Variants in FRMPD4 observed in about 807,000 individuals in gnomAD.
The protein encoded by FRMPD4 is FERM and PDZ domain-containing protein 4.
A neutral mutation model predicts 94.1 loss-of-function variants in FRMPD4; 22 were observed. The ratio of observed to expected loss-of-function variants is 0.23; its 90% CI spans 0.17 to 0.33. The LOEUF is 0.33. Among genes scored for constraint, FRMPD4 ranks in the 10% least tolerant of loss-of-function variants. FRMPD4 has a pLI of 1.00. For synonymous variants in FRMPD4, 631 were observed against 548.6 expected, an observed-to-expected ratio of 1.15 and a Z score of -2.10; for missense variants, 1,111 against 1,339.9, an observed-to-expected ratio of 0.83 and a Z score of 2.67.
chrX:12,391,379 A>G (rs988512682), intron 1 of FRMPD4, among the ~76,000 whole-genome samples: 2 of 112,243 alleles, frequency 1.8e-5, no homozygotes, highest in Non-Finnish European at 3.8e-5. Flanking sequence ...AGCATGATGC[A>G]CTGCACTTTC....
At chrX:12,278,286 TC>T (rs1187368890) in intron 1 of FRMPD4, among the ~76,000 whole-genome samples, 2 of 112,066 alleles carry the variant, frequency 1.8e-5, no homozygotes, top group African/African-American at 6.5e-5. Context: ...ATGATTTTTT[TC>T]CCCCAGACCC....
intron 2 of FRMPD4, among the ~76,000 whole-genome samples, chrX:12,524,508 A>G (rs2058199408): frequency 9.0e-6 from 1 of 111,659 alleles, no homozygotes; most frequent in Non-Finnish European, 1.9e-5. Flanking sequence ...TTAGCTTTTA[A>G]TCACCATTAA....
chrX:12,641,580 T>G (rs2059499947), intron 4 of FRMPD4, among the ~76,000 whole-genome samples: 1 of 112,017 alleles, frequency 8.9e-6, no homozygotes, highest in Non-Finnish European at 1.9e-5. Context: ...CAGACAAGGG[T>G]GTGTAAGAAG....
chrX:12,143,412 A>C (rs760362977), intron 1 of FRMPD4, among the ~76,000 whole-genome samples: 1 of 112,835 alleles, frequency 8.9e-6, no homozygotes, highest in Admixed American at 9.4e-5. Flanking sequence ...ACACATGTCC[A>C]TTCATTTATG....
At chrX:12,182,018 A>G (rs1246142258) in intron 1 of FRMPD4, among the ~76,000 whole-genome samples, 2 of 111,876 alleles carry the variant, frequency 1.8e-5, no homozygotes, top group African/African-American at 3.2e-5. Context: ...TCTGAACCCA[A>G]TTACATGGTG....
chrX:12,716,000 CT>C, intron 14 of FRMPD4, 68 bp from the exon 15 acceptor site: 2 of 334,678 alleles, frequency 6.0e-6, no homozygotes, highest in Non-Finnish European at 1.1e-5. Context: ...AGAGACGAGC[CT>C]CCCACCCCCG....
chrX:12,404,680 T>C (rs1454223174), intron 1 of FRMPD4, among the ~76,000 whole-genome samples: 1 of 112,160 alleles, frequency 8.9e-6, no homozygotes, highest in Non-Finnish European at 1.9e-5. Flanking sequence ...TTGATCCTTC[T>C]GTTGTACTCT....
intron 1 of FRMPD4, among the ~76,000 whole-genome samples, chrX:12,481,887 G>A (rs1410145019): frequency 2.3e-5 from 2 of 86,812 alleles, no homozygotes; most frequent in Non-Finnish European, 4.3e-5. Context: ...AGCTGGCAGT[G>A]AGCCGAGATT....
chrX:12,592,618 TC>T (rs1476719825), intron 2 of FRMPD4, among the ~76,000 whole-genome samples: 1 of 112,270 alleles, frequency 8.9e-6, no homozygotes, highest in Admixed American at 9.4e-5. Context: ...CTTGCTTACT[TC>T]CCCTTATCCT....
At chrX:12,511,061 C>T (rs1369234695) in intron 2 of FRMPD4, among the ~76,000 whole-genome samples, 5 of 112,353 alleles carry the variant, frequency 4.5e-5, no homozygotes, top group African/African-American at 9.7e-5. Flanking sequence ...TAGACACAAA[C>T]GCAGAGAAGA....
chrX:12,262,675 G>A (rs1200820726), intron 1 of FRMPD4, among the ~76,000 whole-genome samples: 3 of 111,702 alleles, frequency 2.7e-5, no homozygotes, highest in Non-Finnish European at 3.8e-5. Flanking sequence ...ATTGTTGATG[G>A]TACCGATAGA....
intron 1 of FRMPD4, among the ~76,000 whole-genome samples, chrX:12,305,561 CTTT>C (rs5901471): frequency 1.1e-5 from 1 of 89,991 alleles, no homozygotes; most frequent in Non-Finnish European, 2.2e-5. Context: ...TTCCATAATC[CTTT>C]TTTTTTTTTT....
intron 3 of FRMPD4, among the ~76,000 whole-genome samples, chrX:11,924,444 G>T (rs768415093): frequency 7.2e-5 from 8 of 111,123 alleles, no homozygotes; most frequent in Non-Finnish European, 1.1e-4. Context: ...TCATCCCAAG[G>T]ACACATAATC....
At chrX:12,081,729 C>T (rs776845907) in intron 3 of FRMPD4, among the ~76,000 whole-genome samples, 1 of 111,589 alleles carries the variant, frequency 9.0e-6, no homozygotes, top group Admixed American at 9.5e-5. Flanking sequence ...GTTTTTATTA[C>T]CTTTGAAATT....
chrX:11,943,569 C>A (rs1180563108), intron 3 of FRMPD4, among the ~76,000 whole-genome samples: 1 of 110,068 alleles, frequency 9.1e-6, no homozygotes, highest in African/African-American at 3.3e-5. Context: ...TATAACAACC[C>A]ACTCTCTGGA....
At chrX:12,175,426 G>A (rs937341645) in intron 1 of FRMPD4, among the ~76,000 whole-genome samples, 2 of 111,852 alleles carry the variant, frequency 1.8e-5, no homozygotes, top group Non-Finnish European at 1.9e-5. Flanking sequence ...CTCAAAATGT[G>A]GTCCCTGGAC....
chrX:11,986,788 C>T lies in FRMPD4; in HGVS notation c.95+108770C>T, dbSNP rs942530640. ...GATCATTAGTGGCTACTATGAGGAA[C>T]TATATGCCAAATCTAGAGGAAACGG... On this transcript the variant is annotated intron_variant, in intron 3 of 18. Coordinates refer to the FRMPD4 transcript ENST00000640291. 3.6e-5 allele frequency among the ~76,000 whole-genome samples: 4 copies of T among 110,270 alleles called. No individual in the cohort carries two copies. In the East Asian group the frequency reaches 1.1e-3, roughly 31 times the overall value.
At chrX:12,215,124 G>A (rs966938061) in intron 1 of FRMPD4, among the ~76,000 whole-genome samples, 5 of 111,809 alleles carry the variant, frequency 4.5e-5, no homozygotes, top group Admixed American at 9.5e-5. Context: ...AAAAATGGTC[G>A]TTTTCTGGGT....
At chrX:12,116,271 T>A (rs760179883) in intron 3 of FRMPD4, among the ~76,000 whole-genome samples, 60 of 112,550 alleles carry the variant, frequency 5.3e-4, no homozygotes, top group African/African-American at 1.9e-3. Flanking sequence ...ACCTTCTCTC[T>A]CTCTCTCTTT....
Sources: gnomAD v4.1 joint callset for allele counts (sites outside exome capture counted in the v4.1 genomes callset) on GRCh38, gnomAD v4.1.1 for gene constraint, MANE v1.5 for transcripts, NCBI Gene and HGNC (gene_info 2026-07-23, HGNC 2026-07-21) for gene names.